Variants in RARB observed in about 807,000 individuals in gnomAD.
The protein encoded by RARB is retinoic acid receptor beta.
RARB carries 17 observed loss-of-function variants against 51.9 expected under a neutral mutation model. That is an observed-to-expected ratio of 0.33 (90% CI 0.22 to 0.49). RARB has a LOEUF of 0.49. Ranked by LOEUF, RARB falls within the 20% of genes least tolerant of loss-of-function variation. RARB has a pLI of 0.99. For missense variants in RARB, 369 were observed against 550.8 expected, an observed-to-expected ratio of 0.67 and a Z score of 3.30; for synonymous variants, 215 against 195.4, an observed-to-expected ratio of 1.10 and a Z score of -0.84.
At chr3:25,221,886 CAATA>C (rs1268015795) in intron 5 of RARB, among the ~76,000 whole-genome samples, 8 of 152,148 alleles carry the variant, frequency 5.3e-5, no homozygotes, top group African/African-American at 1.9e-4. Flanking sequence ...TAGGGTACAG[CAATA>C]AATCATATTT....
intron 4 of RARB, among the ~76,000 whole-genome samples, chr3:25,572,535 C>T (rs1245009814): frequency 1.3e-5 from 2 of 152,060 alleles, no homozygotes; most frequent in African/African-American, 4.8e-5. Flanking sequence ...AGTCTGACTC[C>T]AGGGCAGCTC....
chr3:25,439,395 T>G (rs1011412744), intron 1 of RARB, among the ~76,000 whole-genome samples: 4 of 152,316 alleles, frequency 2.6e-5, no homozygotes, highest in Non-Finnish European at 4.4e-5. Context: ...TTTCAGTGAC[T>G]TCAAACATGT....
chr3:25,150,298 G>A (rs1291424828), intron 4 of RARB, among the ~76,000 whole-genome samples: 1 of 152,186 alleles, frequency 6.6e-6, no homozygotes, highest in Non-Finnish European at 1.5e-5. Flanking sequence ...GACAAACAGA[G>A]GAGTACCTCT....
chr3:24,897,508 C>T (rs1559387040), intron 2 of RARB, among the ~76,000 whole-genome samples: 1 of 152,106 alleles, frequency 6.6e-6, no homozygotes, highest in African/African-American at 2.4e-5. Context: ...TTCTTCCTTT[C>T]AAATTCGATA....
chr3:25,466,601 C>T (rs1695443939), intron 2 of RARB, among the ~76,000 whole-genome samples: 1 of 152,204 alleles, frequency 6.6e-6, no homozygotes, highest in African/African-American at 2.4e-5. Flanking sequence ...CTGCAGTTCT[C>T]CATTCTTTTC....
chr3:24,913,054 C>T (rs1193407100), intron 2 of RARB, among the ~76,000 whole-genome samples: 1 of 139,384 alleles, frequency 7.2e-6, no homozygotes, highest in Non-Finnish European at 1.5e-5. Context: ...CTTCTCGGCT[C>T]ACTGCAAGCT....
intron 3 of RARB, among the ~76,000 whole-genome samples, chr3:25,525,247 T>C (rs1698598593): frequency 6.6e-6 from 1 of 152,196 alleles, no homozygotes. Context: ...TAGGTTATCC[T>C]GTTCATTTTG....
chr3:25,316,279 C>G (rs181825165), intron 5 of RARB, among the ~76,000 whole-genome samples: 4 of 152,170 alleles, frequency 2.6e-5, no homozygotes, highest in Admixed American at 2.0e-4. Flanking sequence ...ATTGACAGAG[C>G]ATGCCAAAGG....
intron 2 of RARB, among the ~76,000 whole-genome samples, chr3:25,025,434 A>C (rs993139185): frequency 1.3e-5 from 2 of 152,270 alleles, no homozygotes; most frequent in East Asian, 3.9e-4. Context: ...GGGGACCTAC[A>C]TTTCTGGGAT....
chr3:25,254,878 G>T (rs866386537), intron 5 of RARB, among the ~76,000 whole-genome samples: 10 of 151,916 alleles, frequency 6.6e-5, no homozygotes, highest in African/African-American at 2.2e-4. Flanking sequence ...GTGTTCTTGT[G>T]TTTGGATTGA....
At chr3:25,308,119 A>C (rs905060598) in intron 5 of RARB, among the ~76,000 whole-genome samples, 1 of 152,234 alleles carries the variant, frequency 6.6e-6, no homozygotes, top group Non-Finnish European at 1.5e-5. Context: ...AGTAGATACT[A>C]TGGAACTTAA....
intron 3 of RARB, among the ~76,000 whole-genome samples, chr3:25,113,793 T>A (rs761476619): frequency 2.0e-5 from 3 of 152,074 alleles, no homozygotes; most frequent in African/African-American, 7.2e-5. Flanking sequence ...CAACAGCCAG[T>A]GACCACCAAG....
rs373747058 is a variant in RARB at position 25,540,680 on chromosome 3, C to A, written c.449-29078C>A. ...GACATAGGCACCAAGAAATAGTTAC[C>A]AGACATTTTATATGGGTTGCCCCAG... On this transcript the variant is annotated intron_variant, in intron 3 of 7. Coordinates refer to ENST00000330688, the MANE Select transcript of RARB (RefSeq NM_000965.5). Among the ~76,000 whole-genome samples the A allele has an allele frequency of 2.4e-4, 37 of 152,280 alleles. No homozygotes were observed. In the South Asian group the frequency reaches 7.3e-3, roughly 30 times the overall value.
chr3:25,068,261 C>T (rs1281311365), intron 3 of RARB, among the ~76,000 whole-genome samples: 3 of 150,810 alleles, frequency 2.0e-5, no homozygotes, highest in Admixed American at 1.3e-4. Flanking sequence ...ACCCCTTTCC[C>T]CTTTCATCTG....
At chr3:25,041,529 A>T (rs1698114267) in intron 2 of RARB, among the ~76,000 whole-genome samples, 1 of 150,596 alleles carries the variant, frequency 6.6e-6, no homozygotes, top group African/African-American at 2.5e-5. Context: ...GAGAGGGAGG[A>T]CATTTGGGAA....
intron 1 of RARB, among the ~76,000 whole-genome samples, chr3:24,830,835 T>G (rs1189981636): frequency 3.3e-5 from 5 of 151,954 alleles, no homozygotes; most frequent in African/African-American, 1.2e-4. Flanking sequence ...AGCCGAGATT[T>G]AAAAGCATCT....
At chr3:25,084,874 A>G (rs1699076816) in intron 3 of RARB, among the ~76,000 whole-genome samples, 1 of 152,120 alleles carries the variant, frequency 6.6e-6, no homozygotes, top group South Asian at 2.1e-4. Flanking sequence ...AGAATTTACC[A>G]GCTTGTATAA....
rs1575122164 is a variant in RARB at position 25,020,816 on chromosome 3, A to G, written c.-379-39309A>G. ...TTAAAATATTTTAGATTTTTCTACA[A>G]AAAGTAACTGGGCGTGGTGGCACGT... On this transcript the variant is annotated intron_variant, in intron 2 of 11. Transcript: ENST00000383772. 4.6e-5 allele frequency among the ~76,000 whole-genome samples: 7 copies of G among 151,974 alleles called. 1 individual carries two copies. In the South Asian group the frequency reaches 1.5e-3, roughly 32 times the overall value.
intron 5 of RARB, among the ~76,000 whole-genome samples, chr3:25,388,754 C>T (rs1706865331): frequency 6.6e-6 from 1 of 152,100 alleles, no homozygotes; most frequent in African/African-American, 2.4e-5. Context: ...GAATCGAACT[C>T]AACCTAAACA....
Sources: gnomAD v4.1 joint callset for allele counts (sites outside exome capture counted in the v4.1 genomes callset) on GRCh38, gnomAD v4.1.1 for gene constraint, MANE v1.5 for transcripts, NCBI Gene and HGNC (gene_info 2026-07-23, HGNC 2026-07-21) for gene names.